ZFAND3: variants seen among roughly 807,000 people sequenced by gnomAD.
ZFAND3 encodes AN1-type zinc finger protein 3.
A neutral mutation model predicts 29.6 loss-of-function variants in ZFAND3; 10 were observed. The ratio of observed to expected loss-of-function variants is 0.34; its 90% CI spans 0.21 to 0.57. The LOEUF (loss-of-function observed/expected upper bound fraction) is 0.57. ZFAND3 is among the 20% of genes least tolerant of loss of function. The pLI is 0.86. For synonymous variants in ZFAND3, 128 were observed against 112.6 expected (o/e 1.14, Z -0.87); for missense variants, 230 against 304.5 (o/e 0.76, Z 1.82).
chr6:38,137,511 T>C lies in ZFAND3; in HGVS notation c.530-14724T>C, dbSNP rs1765864945. ...TATTTATTCATTCTGTTCATCTTTA[T>C]TGAGTTGTAGAGGAAGAGCAAGGGG... is the stretch of plus-strand genomic sequence containing the variant. On this transcript the variant is annotated intron_variant, in intron 5 of 5. Coordinates refer to ENST00000287218, the MANE Select transcript of ZFAND3 (RefSeq NM_021943.3). Among the ~76,000 whole-genome samples, 4 of 152,356 alleles carry C rather than the reference T, an allele frequency of 2.6e-5. No individual in the cohort carries two copies. In the South Asian group the frequency reaches 6.2e-4, roughly 24 times the overall value.
chr6:38,064,909 C>T (rs956009175), intron 3 of ZFAND3, among the ~76,000 whole-genome samples: 25 of 152,076 alleles, frequency 1.6e-4, no homozygotes, highest in African/African-American at 5.8e-4. Context: ...GTATTGTGTG[C>T]AACTGGGCAG....
intron 1 of ZFAND3, among the ~76,000 whole-genome samples, chr6:37,884,989 A>ACATCC (rs1159421632): frequency 1.3e-5 from 2 of 152,178 alleles, no homozygotes; most frequent in African/African-American, 4.8e-5. Context: ...CTTGTAACAG[A>ACATCC]CATCCACATG....
intron 2 of ZFAND3, among the ~76,000 whole-genome samples, chr6:38,026,421 A>ATTTTTTTTTTTTTTTTTT (rs10715149): frequency 1.3e-5 from 1 of 74,834 alleles, no homozygotes; most frequent in Non-Finnish European, 2.3e-5. Context: ...TTACTTTAGG[A>ATTTTTTTTTTTTTTTTTT]TTTTTTTTTT....
intron 2 of ZFAND3, among the ~76,000 whole-genome samples, chr6:37,969,498 T>A (rs73421436): frequency 0.088 from 13,369 of 152,234 alleles, 769 homozygotes; most frequent in East Asian, 0.28. Flanking sequence ...TTTATAATAA[T>A]GTGCTGAATA....
chr6:38,115,051 C>CT (rs1765390560), intron 4 of ZFAND3, among the ~76,000 whole-genome samples: 1 of 152,056 alleles, frequency 6.6e-6, no homozygotes, highest in Admixed American at 6.6e-5. Context: ...GAAAATGTGA[C>CT]TTTGCAAAAT....
intron 2 of ZFAND3, among the ~76,000 whole-genome samples, chr6:37,992,228 T>C (rs1762771561): frequency 6.6e-6 from 1 of 152,128 alleles, no homozygotes; most frequent in African/African-American, 2.4e-5. Flanking sequence ...AAAAAAGGAA[T>C]TTTTTGTCTT....
At position 38,143,394 on chromosome 6, in the gene ZFAND3, A is replaced by G. The variant is rs57208246; in HGVS notation, c.530-8841A>G. 0.016 allele frequency among the ~76,000 whole-genome samples: 2,478 copies of G among 152,372 alleles called. 249 individuals are homozygous for G. In the East Asian group the frequency reaches 0.28, roughly 17 times the overall value. On this transcript the variant is annotated intron_variant, in intron 5 of 5. Transcript: ENST00000287218. Reference sequence around the variant, plus strand: ...CTCTCTGAGAGCGATGTGACGGCACATGCCAAGGGAGGGCTCTCAATCACC... The same window carrying G: ...CTCTCTGAGAGCGATGTGACGGCACGTGCCAAGGGAGGGCTCTCAATCACC...
intron 4 of ZFAND3, among the ~76,000 whole-genome samples, chr6:38,106,801 C>G (rs1349737227): frequency 1.3e-5 from 2 of 152,168 alleles, no homozygotes; most frequent in Non-Finnish European, 2.9e-5. Flanking sequence ...AGCCCAATGT[C>G]TGTTGCACAG....
intron 1 of ZFAND3, among the ~76,000 whole-genome samples, chr6:37,832,173 G>A (rs1201455393): frequency 1.3e-5 from 2 of 152,138 alleles, no homozygotes; most frequent in Non-Finnish European, 2.9e-5. Context: ...AAGTAACCCT[G>A]GGAGAAGGCA....
intron 2 of ZFAND3, among the ~76,000 whole-genome samples, chr6:37,973,929 A>G (rs1216713461): frequency 6.6e-6 from 1 of 152,236 alleles, no homozygotes; most frequent in Non-Finnish European, 1.5e-5. Context: ...TTAGTTCTCT[A>G]TCTCAGAGAG....
intron 5 of ZFAND3, among the ~76,000 whole-genome samples, chr6:38,130,712 GC>G (rs1765725658): frequency 6.6e-6 from 1 of 152,172 alleles, no homozygotes; most frequent in South Asian, 2.1e-4. Context: ...GATTTGGTTA[GC>G]TAGTATTTTG....
At chr6:37,923,755 T>A (rs977311805) in intron 1 of ZFAND3, among the ~76,000 whole-genome samples, 1 of 152,218 alleles carries the variant, frequency 6.6e-6, no homozygotes, top group Non-Finnish European at 1.5e-5. Flanking sequence ...AATAATCTTA[T>A]GGGACTTCTG....
chr6:38,120,838 CT>C (rs1319234206), intron 5 of ZFAND3, among the ~76,000 whole-genome samples: 1 of 152,114 alleles, frequency 6.6e-6, no homozygotes, highest in African/African-American at 2.4e-5. Context: ...TTTCTCTTCA[CT>C]TTAGAAACCT....
chr6:37,916,341 G>A (rs1037366320), intron 1 of ZFAND3, among the ~76,000 whole-genome samples: 1 of 152,064 alleles, frequency 6.6e-6, no homozygotes, highest in African/African-American at 2.4e-5. Flanking sequence ...TACCTCCAAA[G>A]TGTGGTTAAC....
At chr6:37,938,433 C>G (rs1017034997) in intron 2 of ZFAND3, among the ~76,000 whole-genome samples, 1 of 152,144 alleles carries the variant, frequency 6.6e-6, no homozygotes, top group African/African-American at 2.4e-5. Context: ...TTTATCTAGT[C>G]CCCTGTAGAG....
intron 1 of ZFAND3, among the ~76,000 whole-genome samples, chr6:37,848,969 T>G (rs769572802): frequency 1.3e-5 from 2 of 152,214 alleles, no homozygotes; most frequent in African/African-American, 2.4e-5. Context: ...GTGAAGTTCT[T>G]TAAACATCAT....
In ZFAND3 at chr6:37,853,991, G is replaced by A. The variant is rs1429004306; in HGVS notation, c.71+33975G>A. ...TTTTAGATGGAGTTTCACTCTTGTT[G>A]CCCAGGCTGGAGTGCAATGGTGCTA... is the stretch of plus-strand genomic sequence containing the variant. On this transcript the variant is annotated intron_variant, in intron 1 of 5. Transcript: ENST00000287218. Among the ~76,000 whole-genome samples, 11 of 151,916 alleles carry A rather than the reference G, an allele frequency of 7.2e-5. No individual in the cohort carries two copies. In the East Asian group the frequency reaches 2.1e-3, roughly 29 times the overall value.
intron 2 of ZFAND3, among the ~76,000 whole-genome samples, chr6:37,948,321 T>C (rs1396252203): frequency 1.3e-5 from 2 of 152,252 alleles, no homozygotes; most frequent in African/African-American, 2.4e-5. Flanking sequence ...CTTTATAAAT[T>C]GACCCCTTCA....
intron 5 of ZFAND3, among the ~76,000 whole-genome samples, chr6:38,130,214 G>A (rs917162612): frequency 2.0e-5 from 3 of 152,150 alleles, no homozygotes; most frequent in Admixed American, 6.6e-5. Flanking sequence ...TTCTAGAGGA[G>A]TCTTTAGAGT....
Sources: gnomAD v4.1 joint callset for allele counts (sites outside exome capture counted in the v4.1 genomes callset) on GRCh38, gnomAD v4.1.1 for gene constraint, MANE v1.5 for transcripts, NCBI Gene and HGNC (gene_info 2026-07-23, HGNC 2026-07-21) for gene names.